The following STXBP4 variants were observed in gnomAD, a reference collection of about 807,000 sequenced individuals.
STXBP4 encodes the protein syntaxin binding protein 4.
A neutral mutation model predicts 76.1 loss-of-function variants in STXBP4; 55 were observed. That is an observed-to-expected ratio of 0.72 (90% CI 0.58 to 0.91). STXBP4 has a LOEUF of 0.91. STXBP4 is among the 40% of genes least tolerant of loss of function. The pLI, the probability that STXBP4 is intolerant of heterozygous loss-of-function variation, is 0.00. For synonymous variants in STXBP4, 201 were observed against 220.2 expected (o/e 0.91, Z 0.77); for missense variants, 618 against 636.9 (o/e 0.97, Z 0.32).
In STXBP4 at chr17:55,160,043, G is replaced by A. The variant is rs963056614; in HGVS notation, c.*132G>A. On this transcript the variant is annotated 3_prime_UTR_variant, in exon 18 of 18. Transcript: ENST00000376352. Reference sequence around the variant, plus strand: ...GTTGAAGTGTGAAATGGAGACTCTGGACTTTGGGTATTTTTGTAAAACTTT... The same window carrying A: ...GTTGAAGTGTGAAATGGAGACTCTGAACTTTGGGTATTTTTGTAAAACTTT... 1.6e-5 allele frequency: 9 copies of A among 548,366 alleles called. No individual in the cohort carries two copies. Among genetic ancestry groups the A allele is most frequent in the African/African-American group, 1.2e-4 (6 of 51,890 alleles). 34.0% of individuals were successfully genotyped at this position (548,366 alleles called of 1,614,324 possible).
intron 16 of STXBP4, among the ~76,000 whole-genome samples, chr17:55,093,262 T>C (rs1269880841): frequency 6.6e-6 from 1 of 152,184 alleles, no homozygotes; most frequent in Non-Finnish European, 1.5e-5. Flanking sequence ...AGTGCTGGGA[T>C]AATAGGCATG....
At chr17:55,175,187 C>A (rs1436196787), downstream of STXBP4, among the ~76,000 whole-genome samples, 1 of 152,166 alleles carries the variant, frequency 6.6e-6, no homozygotes, top group Non-Finnish European at 1.5e-5. Flanking sequence ...GAGAACACTG[C>A]AGAGTAGTTC....
At chr17:55,207,097 G>C in the STXBP4 span, among the ~76,000 whole-genome samples, 1,914 of 152,136 alleles carry the variant, frequency 0.013, 38 homozygotes, top group African/African-American at 0.044. Flanking sequence ...CACCCTAACA[G>C]GCCACTCTTT....
chr17:55,052,842 TGAA>T, intron 12 of STXBP4, among the ~76,000 whole-genome samples: 1 of 133,462 alleles, frequency 7.5e-6, no homozygotes, highest in East Asian at 2.2e-4. Flanking sequence ...AATCTAACCA[TGAA>T]GAGATGTCAG....
chr17:54,978,848 AT>A (rs1227236006), intron 1 of STXBP4, among the ~76,000 whole-genome samples: 1 of 152,162 alleles, frequency 6.6e-6, no homozygotes, highest in Non-Finnish European at 1.5e-5. Flanking sequence ...AATAAATGTA[AT>A]TTTAAAAGAT....
chr17:55,043,844 T>C (rs2060825261), intron 11 of STXBP4: 1 of 573,394 alleles, frequency 1.7e-6, no homozygotes, highest in African/African-American at 1.9e-5. Flanking sequence ...GTTTTTTGAT[T>C]CTTGTTTTTG....
At chr17:55,034,393 A>G in intron 10 of STXBP4, 134 bp downstream of exon 10, 1 of 527,508 alleles carries the variant, frequency 1.9e-6, no homozygotes, top group Non-Finnish European at 3.1e-6. Flanking sequence ...ATAAATACAA[A>G]TCAATTTAAA....
the STXBP4 span, among the ~76,000 whole-genome samples, chr17:55,198,677 C>T: frequency 8.3e-4 from 126 of 152,258 alleles, 4 homozygotes; most frequent in South Asian, 4.2e-4. Context: ...GATATAAAAT[C>T]GATTCACCAA....
At position 55,031,158 on chromosome 17, in the gene STXBP4, T is replaced by C. The variant is rs757133135; in HGVS notation, c.667-10T>C. 1 of 1,610,022 alleles carries C rather than the reference T, an allele frequency of 6.2e-7. No homozygotes were observed. The highest frequency in any genetic ancestry group is 8.5e-7 in the Non-Finnish European group (1 of 1,177,050). On this transcript the variant is annotated splice_polypyrimidine_tract_variant and intron_variant, in intron 8 of 17. Transcript: ENST00000376352. ...GAAAAATTGCTTTTCATGAGTCCTTTATCTTCCAGGCTCTAAATTATCTTG... is the reference window on the plus strand; with the variant it reads ...GAAAAATTGCTTTTCATGAGTCCTTCATCTTCCAGGCTCTAAATTATCTTG...
At chr17:55,176,102 T>C (rs190728400), downstream of STXBP4, among the ~76,000 whole-genome samples, 2 of 152,294 alleles carry the variant, frequency 1.3e-5, no homozygotes, top group Non-Finnish European at 1.5e-5. Context: ...TTTTGATGGG[T>C]AATTATCGCC....
chr17:55,121,216 A>G (rs1222728660), intron 16 of STXBP4, among the ~76,000 whole-genome samples: 1 of 152,210 alleles, frequency 6.6e-6, no homozygotes, highest in African/African-American at 2.4e-5. Flanking sequence ...TAAGTATTTT[A>G]TGAATGGTAC....
At chr17:54,995,850 C>T (rs1245990326) in intron 4 of STXBP4, among the ~76,000 whole-genome samples, 3 of 152,118 alleles carry the variant, frequency 2.0e-5, no homozygotes, top group South Asian at 2.1e-4. Context: ...CCTTAATTTC[C>T]TCAGACTGTT....
chr17:55,075,794 C>G lies in STXBP4; in HGVS notation c.1189-2284C>G, dbSNP rs574289471. Reference sequence around the variant, plus strand: ...TGAGACAGTGATGTGCTGGGACCAACTGACACTAGCTCATGAGAGCTGATT... The same window carrying G: ...TGAGACAGTGATGTGCTGGGACCAAGTGACACTAGCTCATGAGAGCTGATT... On this transcript the variant is annotated intron_variant, in intron 13 of 17. Coordinates refer to ENST00000376352, the MANE Select transcript of STXBP4 (RefSeq NM_178509.6). 1.1e-4 allele frequency among the ~76,000 whole-genome samples: 16 copies of G among 152,258 alleles called. 1 individual carries two copies. Among genetic ancestry groups the G allele is most frequent in the African/African-American group, 3.9e-4 (16 of 41,554 alleles).
chr17:55,147,007 T>C (rs374828110), intron 17 of STXBP4, among the ~76,000 whole-genome samples: 1 of 152,196 alleles, frequency 6.6e-6, no homozygotes. Flanking sequence ...TACCTAAAAG[T>C]ATGAATTCCA....
chr17:55,035,631 AT>A (rs1455512644), intron 10 of STXBP4, among the ~76,000 whole-genome samples: 1 of 151,952 alleles, frequency 6.6e-6, no homozygotes, highest in Admixed American at 6.6e-5. Flanking sequence ...TATACTTATT[AT>A]TGGTACATAA....
chr17:55,014,544 G>A (rs191108604), intron 8 of STXBP4, among the ~76,000 whole-genome samples: 2 of 152,224 alleles, frequency 1.3e-5, no homozygotes, highest in East Asian at 3.9e-4. Flanking sequence ...GACTGAGAAG[G>A]CCACACCAGT....
At chr17:55,071,348 T>C (rs1346146669) in intron 12 of STXBP4, among the ~76,000 whole-genome samples, 1 of 152,110 alleles carries the variant, frequency 6.6e-6, no homozygotes, top group Non-Finnish European at 1.5e-5. Flanking sequence ...CCCTCATGTC[T>C]TACTACTCCC....
At position 54,983,261 on chromosome 17, in the gene STXBP4, T is replaced by C. The variant is rs1441539847; in HGVS notation, c.-156-2353T>C. On this transcript the variant is annotated intron_variant, in intron 1 of 17. Coordinates refer to ENST00000376352, the MANE Select transcript of STXBP4 (RefSeq NM_178509.6). ...GGACACTGCCAGCATGTTAAGTGAA[T>C]GGAATAAACACCTAAATTTTATTTT... Among the ~76,000 whole-genome samples, 5 of 152,322 alleles carry C rather than the reference T, an allele frequency of 3.3e-5. No individual in the cohort carries two copies. The East Asian group carries it at 5.8e-4, about 18-fold the overall frequency.
chr17:54,984,482 A>G (rs1180268309), intron 1 of STXBP4, among the ~76,000 whole-genome samples: 1 of 151,322 alleles, frequency 6.6e-6, no homozygotes, highest in East Asian at 2.0e-4. Context: ...AGCTGGGACT[A>G]CAGGCGCTGC....
Sources: gnomAD v4.1 joint callset for allele counts (sites outside exome capture counted in the v4.1 genomes callset) on GRCh38, gnomAD v4.1.1 for gene constraint, MANE v1.5 for transcripts, NCBI Gene and HGNC (gene_info 2026-07-23, HGNC 2026-07-21) for gene names.